Variants in COL5A2 observed in about 807,000 individuals in gnomAD.
The protein encoded by COL5A2 is collagen type V alpha 2 chain, also known as collagen alpha-2(V) chain.
In COL5A2, 23 loss-of-function variants were observed where a neutral mutation model predicts 208.2. The ratio of observed to expected loss-of-function variants is 0.11; its 90% confidence interval spans 0.08 to 0.16. The LOEUF is 0.16. Ranked by LOEUF, COL5A2 falls within the 10% of genes least tolerant of loss-of-function variation. The pLI is 1.00. For missense variants in COL5A2, 1,590 were observed against 1,956.4 expected (o/e 0.81, Z 3.53); for synonymous variants, 625 against 628.5 (o/e 0.99, Z 0.08).
At chr2:189,170,542 A>T (rs1224147542) in intron 1 of COL5A2, among the ~76,000 whole-genome samples, 1 of 152,216 alleles carries the variant, frequency 6.6e-6, no homozygotes, top group Non-Finnish European at 1.5e-5. Flanking sequence ...GGAAGATAAA[A>T]AGAGAAGCAC....
At chr2:189,057,450 G>T in intron 33 of COL5A2, 23 bp from the exon 34 acceptor site, 2 of 1,505,202 alleles carry the variant, frequency 1.3e-6, no homozygotes, top group Non-Finnish European at 1.9e-6. Flanking sequence ...AACATTAAGT[G>T]ACCATACCAA....
chr2:189,425,466 T>C, the COL5A2 span, among the ~76,000 whole-genome samples: 6 of 152,286 alleles, frequency 3.9e-5, no homozygotes, highest in East Asian at 1.9e-4. Context: ...AACAGATGAA[T>C]AGAATTTTTT....
At chr2:189,243,238 A>T in the COL5A2 span, among the ~76,000 whole-genome samples, 2 of 151,964 alleles carry the variant, frequency 1.3e-5, no homozygotes, top group African/African-American at 2.4e-5. Context: ...GGGAGAGAGG[A>T]AGGAAGACAG....
At chr2:189,157,124 CTATCTATATATAT>C (rs1688263663) in intron 1 of COL5A2, among the ~76,000 whole-genome samples, 2 of 85,902 alleles carry the variant, frequency 2.3e-5, no homozygotes, top group East Asian at 5.4e-4. Context: ...ATCGATATAT[CTATCTATATATAT>C]ATCTATATAT....
the COL5A2 span, among the ~76,000 whole-genome samples, chr2:189,321,255 C>T: frequency 6.6e-6 from 1 of 152,178 alleles, no homozygotes; most frequent in Admixed American, 6.5e-5. Context: ...GAAACTGCAT[C>T]AACTAACGAG....
At chr2:189,144,326 T>C (rs963673651) in intron 1 of COL5A2, among the ~76,000 whole-genome samples, 1 of 152,074 alleles carries the variant, frequency 6.6e-6, no homozygotes, top group Non-Finnish European at 1.5e-5. Flanking sequence ...GTTAGGAGAG[T>C]ACAAGTTTTG....
the COL5A2 span, among the ~76,000 whole-genome samples, chr2:189,382,218 T>A: frequency 6.6e-6 from 1 of 152,106 alleles, no homozygotes; most frequent in Non-Finnish European, 1.5e-5. Context: ...GTTTCTATGT[T>A]GAAGCTAAAG....
At chr2:189,160,560 T>C (rs1688339592) in intron 1 of COL5A2, among the ~76,000 whole-genome samples, 1 of 152,174 alleles carries the variant, frequency 6.6e-6, no homozygotes, top group Non-Finnish European at 1.5e-5. Flanking sequence ...CCTATAGCTC[T>C]TCTTCCCTTT....
At chr2:189,293,128 T>C in the COL5A2 span, among the ~76,000 whole-genome samples, 1 of 151,642 alleles carries the variant, frequency 6.6e-6, no homozygotes, top group Non-Finnish European at 1.5e-5. Flanking sequence ...TGGGGAGGGA[T>C]AGCATTAGGA....
the COL5A2 span, among the ~76,000 whole-genome samples, chr2:189,325,808 GTTAGAAGGC>G: frequency 6.6e-6 from 1 of 152,052 alleles, no homozygotes; most frequent in Non-Finnish European, 1.5e-5. Flanking sequence ...ATAGAAAAAG[GTTAGAAGGC>G]CAGGCGCAGT....
At chr2:189,357,930 C>G in the COL5A2 span, among the ~76,000 whole-genome samples, 1 of 152,080 alleles carries the variant, frequency 6.6e-6, no homozygotes, top group Admixed American at 6.5e-5. Flanking sequence ...CCAGAGTGCA[C>G]TGTTCCTCAT....
chr2:189,096,622 A>C (rs1445171671), intron 6 of COL5A2, among the ~76,000 whole-genome samples: 2 of 97,780 alleles, frequency 2.0e-5, no homozygotes, highest in Non-Finnish European at 4.3e-5. Flanking sequence ...ACTCCGTCTC[A>C]AAAAAAAAAA....
intron 1 of COL5A2, among the ~76,000 whole-genome samples, chr2:189,211,073 T>A (rs1416618321): frequency 2.0e-5 from 3 of 152,244 alleles, no homozygotes; most frequent in African/African-American, 7.2e-5. Flanking sequence ...CAGTTATTTT[T>A]CTAAGTATGT....
intron 1 of COL5A2, among the ~76,000 whole-genome samples, chr2:189,142,720 A>C (rs1687957515): frequency 6.6e-6 from 1 of 152,132 alleles, no homozygotes; most frequent in African/African-American, 2.4e-5. Context: ...AAACATAGCT[A>C]TCGAAACTTC....
intron 1 of COL5A2, among the ~76,000 whole-genome samples, chr2:189,151,273 T>G (rs527690695): frequency 3.3e-5 from 5 of 152,292 alleles, no homozygotes; most frequent in Admixed American, 2.6e-4. Flanking sequence ...ACATCCAAAA[T>G]GTACCTTCTT....
intron 1 of COL5A2, among the ~76,000 whole-genome samples, chr2:189,139,660 T>C (rs1687898054): frequency 6.6e-6 from 1 of 152,208 alleles, no homozygotes; most frequent in African/African-American, 2.4e-5. Flanking sequence ...TTATTCGTTG[T>C]GAATGTAAGA....
At chr2:189,290,011 C>T in the COL5A2 span, among the ~76,000 whole-genome samples, 1 of 152,036 alleles carries the variant, frequency 6.6e-6, no homozygotes, top group Non-Finnish European at 1.5e-5. Flanking sequence ...CAAAAGACCT[C>T]GAAAAGCCAA....
the COL5A2 span, among the ~76,000 whole-genome samples, chr2:189,351,286 C>G: frequency 6.6e-6 from 1 of 152,170 alleles, no homozygotes; most frequent in Non-Finnish European, 1.5e-5. Flanking sequence ...TCTAGAACAT[C>G]ATCCAAAGAT....
intron 1 of COL5A2, among the ~76,000 whole-genome samples, chr2:189,178,984 T>C (rs1162835881): frequency 6.6e-6 from 1 of 151,992 alleles, no homozygotes; most frequent in Non-Finnish European, 1.5e-5. Context: ...TAAAAAGAAG[T>C]TTAAATTGTT....
Sources: allele counts gnomAD v4.1 joint callset (sites outside exome capture counted in the v4.1 genomes callset), GRCh38; gene constraint gnomAD v4.1.1; transcripts MANE v1.5; gene names NCBI Gene and HGNC (gene_info 2026-07-23, HGNC 2026-07-21).